CAMK4: variants seen among roughly 807,000 people sequenced by gnomAD.
CAMK4 encodes calcium/calmodulin dependent protein kinase IV, also known as calcium/calmodulin-dependent protein kinase type IV.
A neutral mutation model predicts 44.9 loss-of-function variants in CAMK4; 22 were observed. The observed-to-expected ratio is 0.49, with a 90% CI of 0.35 to 0.70. CAMK4 has a LOEUF of 0.70. Ranked by LOEUF, CAMK4 falls within the 30% of genes least tolerant of loss-of-function variation. The pLI, the probability that CAMK4 is intolerant of heterozygous loss-of-function variation, is 0.01. For missense variants in CAMK4, 498 were observed against 586.8 expected, an observed-to-expected ratio of 0.85 and a Z score of 1.56; for synonymous variants, 218 against 215.4, an observed-to-expected ratio of 1.01 and a Z score of -0.11.
chr5:111,340,616 G>C, intron 1 of CAMK4, among the ~76,000 whole-genome samples: 1 of 151,290 alleles, frequency 6.6e-6, no homozygotes, highest in East Asian at 2.0e-4. Flanking sequence ...CAGTTTGCTA[G>C]TATTTTGTTG....
At chr5:111,268,146 A>C (rs919050131) in intron 1 of CAMK4, among the ~76,000 whole-genome samples, 2 of 152,210 alleles carry the variant, frequency 1.3e-5, no homozygotes, top group Non-Finnish European at 2.9e-5. Context: ...CTGTAGATCC[A>C]TGGACACATT....
chr5:111,412,150 A>T (rs1295285791), intron 5 of CAMK4, among the ~76,000 whole-genome samples: 1 of 152,194 alleles, frequency 6.6e-6, no homozygotes, highest in African/African-American at 2.4e-5. Flanking sequence ...TTATTTATTC[A>T]GATGCAAAAT....
chr5:111,258,734 TATC>T (rs904515989), intron 1 of CAMK4, among the ~76,000 whole-genome samples: 11 of 135,700 alleles, frequency 8.1e-5, no homozygotes, highest in South Asian at 2.3e-4. Flanking sequence ...TCTACAGAGT[TATC>T]AGCGTGTGTG....
At chr5:111,422,216 G>C (rs577176333) in intron 5 of CAMK4, among the ~76,000 whole-genome samples, 2 of 152,234 alleles carry the variant, frequency 1.3e-5, no homozygotes, top group South Asian at 2.1e-4. Context: ...ACACAAACTT[G>C]CTACTTCCCT....
chr5:111,267,482 C>G (rs375077329), intron 1 of CAMK4, among the ~76,000 whole-genome samples: 1 of 151,766 alleles, frequency 6.6e-6, no homozygotes, highest in East Asian at 1.9e-4. Context: ...TTTGGGAGGC[C>G]GAGGCGGGCG....
At chr5:111,369,344 C>T (rs569429768) in intron 2 of CAMK4, among the ~76,000 whole-genome samples, 2 of 152,086 alleles carry the variant, frequency 1.3e-5, no homozygotes, top group South Asian at 2.1e-4. Context: ...GGATTACAGG[C>T]GTGAGCCACT....
In CAMK4 at chr5:111,329,209, G is replaced by A. The variant is rs567656209; in HGVS notation, c.162-14815G>A. 1.6e-3 allele frequency among the ~76,000 whole-genome samples: 245 copies of A among 151,952 alleles called. 1 individual carries two copies. The highest frequency in any genetic ancestry group is 5.4e-3 in the African/African-American group (224 of 41,484). On this transcript the variant is annotated intron_variant, in intron 1 of 10. Coordinates refer to ENST00000282356, the MANE Select transcript of CAMK4 (RefSeq NM_001744.6). ...ATGCTAAAACCTCTCAATAAATTAGGTATTGATGGGATGTATCTCAAAATA... is the reference window on the plus strand; with the variant it reads ...ATGCTAAAACCTCTCAATAAATTAGATATTGATGGGATGTATCTCAAAATA...
chr5:111,303,299 G>A (rs1447837645), intron 1 of CAMK4, among the ~76,000 whole-genome samples: 38 of 134,908 alleles, frequency 2.8e-4, no homozygotes, highest in African/African-American at 9.7e-4. Flanking sequence ...ATTACTCTGA[G>A]CTATGGGAGG....
At chr5:111,441,851 A>G (rs1277200662) in intron 5 of CAMK4, among the ~76,000 whole-genome samples, 2 of 152,214 alleles carry the variant, frequency 1.3e-5, no homozygotes, top group East Asian at 3.8e-4. Context: ...TGTCAGCTCT[A>G]TAGATAGCAT....
At chr5:111,232,712 A>G (rs991404462) in intron 1 of CAMK4, among the ~76,000 whole-genome samples, 1 of 152,050 alleles carries the variant, frequency 6.6e-6, no homozygotes, top group African/African-American at 2.4e-5. Context: ...ATTTGCCACT[A>G]CCTATAATGT....
chr5:111,335,832 G>A (rs532373714), intron 1 of CAMK4, among the ~76,000 whole-genome samples: 14 of 151,192 alleles, frequency 9.3e-5, no homozygotes, highest in African/African-American at 2.4e-4. Flanking sequence ...TAGTTTATAC[G>A]TAGTATTTCA....
chr5:111,376,533 T>G (rs1751219687), intron 3 of CAMK4, among the ~76,000 whole-genome samples: 1 of 152,152 alleles, frequency 6.6e-6, no homozygotes, highest in Admixed American at 6.6e-5. Flanking sequence ...GAAGTTGTGT[T>G]GTTTTTGTTT....
intron 2 of CAMK4, among the ~76,000 whole-genome samples, chr5:111,372,138 G>A (rs1452722439): frequency 6.6e-6 from 1 of 152,160 alleles, no homozygotes; most frequent in Admixed American, 6.5e-5. Flanking sequence ...ATAATTATTA[G>A]TTACTGATCG....
chr5:111,426,624 A>G (rs549439667), intron 5 of CAMK4, among the ~76,000 whole-genome samples: 1 of 152,302 alleles, frequency 6.6e-6, no homozygotes, highest in East Asian at 1.9e-4. Context: ...TCAGTCCTGA[A>G]TCACTAACGC....
intron 1 of CAMK4, among the ~76,000 whole-genome samples, chr5:111,272,370 C>T (rs921998700): frequency 6.6e-5 from 10 of 152,020 alleles, no homozygotes; most frequent in African/African-American, 2.2e-4. Flanking sequence ...CATATACATG[C>T]CAATAATGGT....
intron 1 of CAMK4, among the ~76,000 whole-genome samples, chr5:111,236,336 T>C (rs1474491416): frequency 1.3e-5 from 2 of 152,220 alleles, no homozygotes; most frequent in Non-Finnish European, 2.9e-5. Flanking sequence ...ATTACCATCA[T>C]GGGATATTTA....
At chr5:111,235,195 A>G (rs1201375898) in intron 1 of CAMK4, among the ~76,000 whole-genome samples, 1 of 152,188 alleles carries the variant, frequency 6.6e-6, no homozygotes, top group Non-Finnish European at 1.5e-5. Context: ...TAGGACTCTA[A>G]CAGACACACA....
At chr5:111,395,477 T>C (rs1259505566) in intron 5 of CAMK4, among the ~76,000 whole-genome samples, 2 of 151,398 alleles carry the variant, frequency 1.3e-5, no homozygotes, top group Non-Finnish European at 2.9e-5. Flanking sequence ...TTGGTAGAGA[T>C]GTGGAAGAGG....
chr5:111,463,317 C>T (rs1310382467), intron 7 of CAMK4, among the ~76,000 whole-genome samples: 1 of 152,144 alleles, frequency 6.6e-6, no homozygotes, highest in African/African-American at 2.4e-5. Flanking sequence ...CATGAATAGA[C>T]AATGCTCAAA....
Sources: allele counts gnomAD v4.1 joint callset (sites outside exome capture counted in the v4.1 genomes callset), GRCh38; gene constraint gnomAD v4.1.1; transcripts MANE v1.5; gene names NCBI Gene and HGNC (gene_info 2026-07-23, HGNC 2026-07-21).